KRTAP9-8: variants seen among roughly 807,000 people sequenced by gnomAD.
KRTAP9-8 encodes keratin associated protein 9-8, also known as keratin-associated protein 9-8.
A neutral mutation model predicts 12.8 loss-of-function variants in KRTAP9-8; 10 were observed. The observed-to-expected ratio is 0.78, with a 90% CI of 0.48 to 1.33. KRTAP9-8 has a LOEUF of 1.33. Ranked by LOEUF, KRTAP9-8 falls within the 40% of genes most tolerant of loss-of-function variation. KRTAP9-8 has a pLI of 0.00. For synonymous variants in KRTAP9-8, 94 were observed against 70.8 expected (o/e 1.33, Z -1.64); for missense variants, 197 against 197.0 (o/e 1.00, Z 0.00).
Position 41,238,308 on chromosome 17 carries a change from G to T in KRTAP9-8, c.257G>T (p.Cys86Phe). The T allele has an allele frequency of 6.2e-7, 1 of 1,607,560 alleles. No homozygotes were observed. The highest frequency in any genetic ancestry group is 8.5e-7 in the Non-Finnish European group (1 of 1,179,876). ...CQPTCCGQTS[C>F]GSSCGQSSSC... ...CCCACCTGCTGTGGCCAAACCAGCTGTGGGTCCAGCTGTGGTCAGAGCAGC... is the reference window on the plus strand; with the variant it reads ...CCCACCTGCTGTGGCCAAACCAGCTTTGGGTCCAGCTGTGGTCAGAGCAGC... The change falls in exon 1 of 1, where the codon TGT (cysteine) becomes TTT (phenylalanine). Residue 86 changes from cysteine to phenylalanine, a missense_variant. Cys to Phe is a radical substitution (Grantham distance 205). Coordinates refer to ENST00000254072, the MANE Select transcript of KRTAP9-8 (RefSeq NM_031963.3).
Position 41,238,374 on chromosome 17 carries a change from C to G in KRTAP9-8, c.323C>G (p.Pro108Arg), listed in dbSNP as rs201561034. 1,332 of 1,607,406 alleles carry G rather than the reference C, an allele frequency of 8.3e-4. 3 individuals are homozygous for G. The highest frequency in any genetic ancestry group is 1.6e-3 in the Admixed American group (95 of 59,910). Residue 108 changes from proline to arginine, a missense_variant, in exon 1 of 1, where the codon CCC becomes CGC. Transcript: ENST00000254072. ...TACTGCAGAAGAACCTGCTACCACC[C>G]CACGACTGTCTGCCTGCCTGGTTGC... ...PVYCRRTCYHPTTVCLPGCLN... is the reference protein window; with the variant it reads ...PVYCRRTCYHRTTVCLPGCLN...
At position 41,238,276 on chromosome 17, in the gene KRTAP9-8, C is replaced by T; in HGVS notation, c.225C>T (p.Cys75=). Residue 75 remains cysteine (C), a synonymous_variant, in exon 1 of 1, where the codon TGC becomes TGT. Coordinates refer to ENST00000254072, the MANE Select transcript of KRTAP9-8 (RefSeq NM_031963.3). ...AGCCTTCCTGCTGCAGCACACCCTG[C>T]TGTCAGCCCACCTGCTGTGGCCAAA... ...CCQPSCCSTP[C]CQPTCCGQTS... 1.9e-6 allele frequency: 3 copies of T among 1,608,302 alleles called. No homozygotes were observed. Among genetic ancestry groups the T allele is most frequent in the Non-Finnish European group, 2.5e-6 (3 of 1,179,978 alleles).
chr17:41,238,486 C>T lies in KRTAP9-8; in HGVS notation c.435C>T (p.Phe145=). The change falls in exon 1 of 1, where the codon TTC becomes TTT. Residue 145 remains phenylalanine, a synonymous_variant. Transcript: ENST00000254072. Reference sequence around the variant, plus strand: ...CCACCTGCTGCAGGACCACTTGCTTCCAGCCCACCTGTGTGTCCAGCTGCT... The same window carrying T: ...CCACCTGCTGCAGGACCACTTGCTTTCAGCCCACCTGTGTGTCCAGCTGCT... ...CETTCCRTTC[F]QPTCVSSCCQ... The T allele has an allele frequency of 6.3e-7, 1 of 1,589,192 alleles. No individual in the cohort carries two copies. Among genetic ancestry groups the T allele is most frequent in the Non-Finnish European group, 8.5e-7 (1 of 1,174,716 alleles).
chr17:41,238,142 C>T lies in KRTAP9-8; in HGVS notation c.91C>T (p.Pro31Ser), dbSNP rs769305219. The change falls in exon 1 of 1, where the codon CCC becomes TCC. Residue 31 changes from proline to serine, a missense_variant. Coordinates refer to ENST00000254072, the MANE Select transcript of KRTAP9-8 (RefSeq NM_031963.3). ...PTTVTTCSSTPCCQPSCCVSS... is the reference protein window; with the variant it reads ...PTTVTTCSSTSCCQPSCCVSS... ...CACTGTGACCACCTGCAGCAGCACA[C>T]CCTGCTGCCAGCCCTCCTGCTGTGT... 88 of 1,607,668 alleles carry T rather than the reference C, an allele frequency of 5.5e-5. No homozygotes were observed. The highest frequency in any genetic ancestry group is 7.1e-5 in the Non-Finnish European group (84 of 1,179,834).
chr17:41,238,041 C>T lies in KRTAP9-8; in HGVS notation c.-11C>T. ...CCTCTGAACAGAACTCCACCCTCTA[C>T]CCCTGACACCATGACCCACTGTTGT... is the stretch of plus-strand genomic sequence containing the variant. On this transcript the variant is annotated 5_prime_UTR_variant, in exon 1 of 1. Transcript: ENST00000254072. 1.2e-6 allele frequency: 2 copies of T among 1,605,978 alleles called. No individual in the cohort carries two copies. Among genetic ancestry groups the T allele is most frequent in the Middle Eastern group, 2.2e-4 (1 of 4,468 alleles).
rs201454642 is a variant in KRTAP9-8 at position 41,238,230 on chromosome 17, T to C, written c.179T>C (p.Ile60Thr). ...TGTCAAAACACCTGCTGCCAGCCCA[T>C]CTGTGTGACCAGCTGCTGCCAGCCT... Reference protein sequence around the residue: ...TCCQNTCCQPICVTSCCQPSC... With the variant: ...TCCQNTCCQPTCVTSCCQPSC... Residue 60 changes from isoleucine (I) to threonine (T), a missense_variant, in exon 1 of 1, where the codon ATC becomes ACC. Ile to Thr is a moderately conservative substitution (Grantham distance 89, BLOSUM62 -1). Coordinates refer to ENST00000254072, the MANE Select transcript of KRTAP9-8 (RefSeq NM_031963.3). 113 of 1,598,878 alleles carry C rather than the reference T, an allele frequency of 7.1e-5. No homozygotes were observed. The highest frequency in any genetic ancestry group is 6.9e-4 in the Middle Eastern group (4 of 5,756).
In KRTAP9-8 at chr17:41,238,580, C is replaced by G. The variant is rs772996363; in HGVS notation, c.*49C>G. ...CCTCACACAACAAATTTCTGCTCAA[C>G]TGACTCATCTTTTGGGGGACTAATT... On this transcript the variant is annotated 3_prime_UTR_variant, in exon 1 of 1. Transcript: ENST00000254072. 16 of 1,438,678 alleles carry G rather than the reference C, an allele frequency of 1.1e-5. No homozygotes were observed. In the Admixed American group the frequency reaches 1.7e-4, roughly 16 times the overall value. 89.1% of individuals were successfully genotyped at this position (1,438,678 alleles called of 1,614,324 possible).
At position 41,238,580 on chromosome 17, in the gene KRTAP9-8, C is replaced by T; in HGVS notation, c.*49C>T. On this transcript the variant is annotated 3_prime_UTR_variant, in exon 1 of 1. Transcript: ENST00000254072. ...CCTCACACAACAAATTTCTGCTCAA[C>T]TGACTCATCTTTTGGGGGACTAATT... 1.4e-6 allele frequency: 2 copies of T among 1,438,766 alleles called. No individual in the cohort carries two copies. Among genetic ancestry groups the T allele is most frequent in the South Asian group, 1.2e-5 (1 of 82,540 alleles). 89.1% of individuals were successfully genotyped at this position (1,438,766 alleles called of 1,614,324 possible).
Position 41,238,116 on chromosome 17 carries a change from C to G in KRTAP9-8, c.65C>G (p.Thr22Ser). The G allele has an allele frequency of 6.2e-7, 1 of 1,607,556 alleles. No individual in the cohort carries two copies. Among genetic ancestry groups the G allele is most frequent in the Non-Finnish European group, 8.5e-7 (1 of 1,179,952 alleles). The change falls in exon 1 of 1, where the codon ACC (threonine) becomes AGC (serine). Residue 22 changes from threonine (T) to serine (S), a missense_variant. Thr to Ser is a moderately conservative substitution (Grantham distance 58, BLOSUM62 1). Transcript: ENST00000254072. ...TCCRTTCWKP[T>S]TVTTCSSTPC... ...TGCAGGACCACCTGCTGGAAGCCCA[C>G]CACTGTGACCACCTGCAGCAGCACA...
Position 41,238,278 on chromosome 17 carries a change from G to A in KRTAP9-8, c.227G>A (p.Cys76Tyr), listed in dbSNP as rs376909711. ...CCTTCCTGCTGCAGCACACCCTGCT[G>A]TCAGCCCACCTGCTGTGGCCAAACC... ...CQPSCCSTPCCQPTCCGQTSC... is the reference protein window; with the variant it reads ...CQPSCCSTPCYQPTCCGQTSC... The change falls in exon 1 of 1, where the codon TGT (cysteine) becomes TAT (tyrosine). Residue 76 changes from cysteine (C) to tyrosine (Y), a missense_variant. Transcript: ENST00000254072. 11 of 1,607,208 alleles carry A rather than the reference G, an allele frequency of 6.8e-6. No individual in the cohort carries two copies. Among genetic ancestry groups the A allele is most frequent in the South Asian group, 2.2e-5 (2 of 91,020 alleles).
chr17:41,238,549 C>G lies in KRTAP9-8; in HGVS notation c.*18C>G, dbSNP rs1035300929. ...GCTGCTGATCACGTTCCAAGAGAAC[C>G]ACCATCCTCACACAACAAATTTCTG... is the stretch of plus-strand genomic sequence containing the variant. On this transcript the variant is annotated 3_prime_UTR_variant, in exon 1 of 1. Coordinates refer to ENST00000254072, the MANE Select transcript of KRTAP9-8 (RefSeq NM_031963.3). 15 of 1,543,824 alleles carry G rather than the reference C, an allele frequency of 9.7e-6. No homozygotes were observed. Among genetic ancestry groups the G allele is most frequent in the Non-Finnish European group, 1.2e-5 (14 of 1,144,032 alleles).
In KRTAP9-8 at chr17:41,238,119, C is replaced by T; in HGVS notation, c.68C>T (p.Thr23Ile). The change falls in exon 1 of 1, where the codon ACT becomes ATT. Residue 23 changes from threonine (T) to isoleucine (I), a missense_variant. By Grantham distance (89) the Thr-to-Ile change is moderately conservative (BLOSUM62 -1). Coordinates refer to ENST00000254072, the MANE Select transcript of KRTAP9-8 (RefSeq NM_031963.3). ...AGGACCACCTGCTGGAAGCCCACCA[C>T]TGTGACCACCTGCAGCAGCACACCC... ...CCRTTCWKPTTVTTCSSTPCC... is the reference protein window; with the variant it reads ...CCRTTCWKPTIVTTCSSTPCC... 6.2e-7 allele frequency: 1 copy of T among 1,607,526 alleles called. No homozygotes were observed. Among genetic ancestry groups the T allele is most frequent in the Non-Finnish European group, 8.5e-7 (1 of 1,179,914 alleles).
In KRTAP9-8 at chr17:41,238,383, T is replaced by C. The variant is rs1555599845; in HGVS notation, c.332T>C (p.Val111Ala). The change falls in exon 1 of 1, where the codon GTC (valine) becomes GCC (alanine). Residue 111 changes from valine (V) to alanine (A), a missense_variant. Physicochemically the swap from Val to Ala is moderately conservative, Grantham distance 64. Transcript: ENST00000254072. ...AGAACCTGCTACCACCCCACGACTGTCTGCCTGCCTGGTTGCCTAAACCAG... is the reference window on the plus strand; with the variant it reads ...AGAACCTGCTACCACCCCACGACTGCCTGCCTGCCTGGTTGCCTAAACCAG... ...CRRTCYHPTT[V>A]CLPGCLNQSC... 1 of 1,605,686 alleles carries C rather than the reference T, an allele frequency of 6.2e-7. No homozygotes were observed. The highest frequency in any genetic ancestry group is 8.5e-7 in the Non-Finnish European group (1 of 1,179,772).
In KRTAP9-8 at chr17:41,238,806, G is replaced by A; in HGVS notation, c.*275G>A. 1.0e-5 allele frequency: 2 copies of A among 191,964 alleles called. No homozygotes were observed. The highest frequency in any genetic ancestry group is 1.7e-5 in the Non-Finnish European group (2 of 119,258). The allele number at this position is 191,964 out of a possible 1,614,324, so 11.9% of individuals were successfully genotyped here. On this transcript the variant is annotated 3_prime_UTR_variant, in exon 1 of 1. Transcript: ENST00000254072. ...CTCAGCTTTGACTCTAAAGTCAAGA[G>A]CTTCATTCCCTGCTTCTAAGGAATT...
rs1380441255 is a variant in KRTAP9-8, at chr17:41,238,479, C to T, written c.428C>T (p.Thr143Ile). Residue 143 changes from threonine (T) to isoleucine (I), a missense_variant, in exon 1 of 1, where the codon ACT (threonine) becomes ATT (isoleucine). Physicochemically the swap from Thr to Ile is moderately conservative, Grantham distance 89. Coordinates refer to ENST00000254072, the MANE Select transcript of KRTAP9-8 (RefSeq NM_031963.3). ...ACCETTCCRT[T>I]CFQPTCVSSC... ...TGTGAGACCACCTGCTGCAGGACCACTTGCTTCCAGCCCACCTGTGTGTCC... is the reference window on the plus strand; with the variant it reads ...TGTGAGACCACCTGCTGCAGGACCATTTGCTTCCAGCCCACCTGTGTGTCC... The T allele has an allele frequency of 1.9e-6, 3 of 1,585,462 alleles. No individual in the cohort carries two copies. Among genetic ancestry groups the T allele is most frequent in the South Asian group, 1.1e-5 (1 of 90,120 alleles).
chr17:41,238,198 A>G lies in KRTAP9-8; in HGVS notation c.147A>G (p.Pro49=). Residue 49 remains proline, a synonymous_variant, in exon 1 of 1, where the codon CCA becomes CCG. Coordinates refer to ENST00000254072, the MANE Select transcript of KRTAP9-8 (RefSeq NM_031963.3). ...GCTGCTGCCAGCCTTGCTGCCGCCC[A>G]ACTTGCTGTCAAAACACCTGCTGCC... The part of the protein sequence containing the change: ...VSSCCQPCCR[P]TCCQNTCCQP... 2 of 1,607,298 alleles carry G rather than the reference A, an allele frequency of 1.2e-6. No homozygotes were observed. The highest frequency in any genetic ancestry group is 1.7e-6 in the Non-Finnish European group (2 of 1,179,698).
Position 41,238,009 on chromosome 17 carries a change from A to T in KRTAP9-8, c.-43A>T. On this transcript the variant is annotated 5_prime_UTR_variant, in exon 1 of 1. Coordinates refer to ENST00000254072, the MANE Select transcript of KRTAP9-8 (RefSeq NM_031963.3). ...ATGCAAGGGGTCATCAGATTCTGGG[A>T]AACTCACCTCTGAACAGAACTCCAC... 7 of 1,594,444 alleles carry T rather than the reference A, an allele frequency of 4.4e-6. No homozygotes were observed. The highest frequency in any genetic ancestry group is 6.0e-6 in the Non-Finnish European group (7 of 1,171,862).
At position 41,238,367 on chromosome 17, in the gene KRTAP9-8, T is replaced by C. The variant is rs1380536750; in HGVS notation, c.316T>C (p.Tyr106His). Reference protein sequence around the residue: ...CAPVYCRRTCYHPTTVCLPGC... With the variant: ...CAPVYCRRTCHHPTTVCLPGC... ...ACCTGTGTACTGCAGAAGAACCTGC[T>C]ACCACCCCACGACTGTCTGCCTGCC... is the stretch of plus-strand genomic sequence containing the variant. The change falls in exon 1 of 1, where the codon TAC becomes CAC. Residue 106 changes from tyrosine to histidine, a missense_variant. Physicochemically the swap from Tyr to His is moderately conservative, Grantham distance 83. Transcript: ENST00000254072. 1 of 1,607,328 alleles carries C rather than the reference T, an allele frequency of 6.2e-7. No individual in the cohort carries two copies. Among genetic ancestry groups the C allele is most frequent in the Non-Finnish European group, 8.5e-7 (1 of 1,179,970 alleles).
At position 41,238,195 on chromosome 17, in the gene KRTAP9-8, C is replaced by T; in HGVS notation, c.144C>T (p.Arg48=). Residue 48 remains arginine, a synonymous_variant, in exon 1 of 1, where the codon CGC becomes CGT. Coordinates refer to ENST00000254072, the MANE Select transcript of KRTAP9-8 (RefSeq NM_031963.3). The part of the protein sequence containing the change: ...CVSSCCQPCC[R]PTCCQNTCCQ... The stretch of plus-strand genomic sequence containing the variant: ...CCAGCTGCTGCCAGCCTTGCTGCCG[C>T]CCAACTTGCTGTCAAAACACCTGCT... 6.2e-7 allele frequency: 1 copy of T among 1,607,844 alleles called. No individual in the cohort carries two copies. Among genetic ancestry groups the T allele is most frequent in the Non-Finnish European group, 8.5e-7 (1 of 1,179,796 alleles).
Sources: allele counts gnomAD v4.1 joint callset, GRCh38; gene constraint gnomAD v4.1.1; transcripts MANE v1.5; gene names NCBI Gene and HGNC (gene_info 2026-07-23, HGNC 2026-07-21).